The following CRYBG2 variants were observed in gnomAD, a reference collection of about 807,000 sequenced individuals.
CRYBG2 encodes beta/gamma crystallin domain-containing protein 2.
A neutral mutation model predicts 153.4 loss-of-function variants in CRYBG2; 106 were observed. The ratio of observed to expected loss-of-function variants is 0.69; its 90% CI spans 0.59 to 0.81. CRYBG2 has a LOEUF of 0.81. CRYBG2 is among the 30% of genes least tolerant of loss of function. The pLI is 0.00. For missense variants in CRYBG2, 1,996 were observed against 2,112.0 expected, an observed-to-expected ratio of 0.95 and a Z score of 1.08; for synonymous variants, 851 against 877.8, an observed-to-expected ratio of 0.97 and a Z score of 0.54.
chr1:26,324,145 T>G lies in CRYBG2; in HGVS notation c.4737+7A>C, dbSNP rs1403514020. On this transcript the variant is annotated splice_region_variant and intron_variant, in intron 18 of 19. Coordinates refer to ENST00000308182, the MANE Select transcript of CRYBG2 (RefSeq NM_001039775.4). Reference sequence around the variant, plus strand: ...GGGTGTCCCTGTGCCAGCCCCTGTATCAGTACCTGGTTCTTCAGCAGCCCA... The same window carrying G: ...GGGTGTCCCTGTGCCAGCCCCTGTAGCAGTACCTGGTTCTTCAGCAGCCCA... The G allele has an allele frequency of 1.7e-5, 28 of 1,612,160 alleles. No homozygotes were observed. Among genetic ancestry groups the G allele is most frequent in the Non-Finnish European group, 2.4e-5 (28 of 1,178,986 alleles).
At position 26,337,327 on chromosome 1, in the gene CRYBG2, C is replaced by T. The variant is rs757013745; in HGVS notation, c.3697G>A (p.Glu1233Lys). ...GFRGHQYLLEEGEYPDWSHWG... is the reference protein window; with the variant it reads ...GFRGHQYLLEKGEYPDWSHWG... ...TGTGACCAGTCTGGGTATTCCCCCT[C>T]CTCCAGCAGATACTGGTGGCCCCGG... Residue 1233 changes from glutamate (E) to lysine (K), a missense_variant, in exon 10 of 20, where the codon GAG (glutamate) becomes AAG (lysine). Transcript: ENST00000308182. 3.1e-6 allele frequency: 5 copies of T among 1,614,102 alleles called. No individual in the cohort carries two copies. The Admixed American group carries it at 6.7e-5, about 22-fold the overall frequency.
In CRYBG2 at chr1:26,344,390, ATCC is replaced by A. The variant is rs2124008431; in HGVS notation, c.2265_2267del (p.Glu755del). 1 of 1,517,280 alleles carries A rather than the reference ATCC, an allele frequency of 6.6e-7. No homozygotes were observed. Among genetic ancestry groups the A allele is most frequent in the Non-Finnish European group, 8.9e-7 (1 of 1,129,452 alleles). The allele number at this position is 1,517,280 out of a possible 1,614,324, so 94.0% of individuals were successfully genotyped here. ...CCAGGTCAGCGGCCAGGGCCACCTC[ATCC>A]TCCTCCCTTGATGTCTCTGTGCACG... On this transcript the variant is annotated inframe_deletion, in exon 2 of 20. Coordinates refer to ENST00000308182, the MANE Select transcript of CRYBG2 (RefSeq NM_001039775.4).
chr1:26,335,567 G>T (rs2074044606), intron 14 of CRYBG2, among the ~76,000 whole-genome samples: 1 of 152,218 alleles, frequency 6.6e-6, no homozygotes, highest in Non-Finnish European at 1.5e-5. Flanking sequence ...GAAGGCCGAG[G>T]TGGCGGATAG....
Position 26,345,004 on chromosome 1 carries a change from G to A in CRYBG2, c.1654C>T (p.Pro552Ser), listed in dbSNP as rs80303019. The A allele has an allele frequency of 2.0e-5, 25 of 1,224,764 alleles. 1 individual carries two copies. Among genetic ancestry groups the A allele is most frequent in the African/African-American group, 3.4e-5 (2 of 59,624 alleles). 75.9% of individuals were successfully genotyped at this position (1,224,764 alleles called of 1,614,324 possible). A position where few individuals can be genotyped will look rare whatever the true frequency, so the allele number is the denominator to read the frequency against. ...FPTWKEVVKG[P>S]GAPAASSPTQ... is the part of the protein sequence containing the mutation. Reference sequence around the variant, plus strand: ...GGGGATGAGGCAGCAGGAGCACCAGGGCCCTTCACAACCTCTTTCCAGGTG... The same window carrying A: ...GGGGATGAGGCAGCAGGAGCACCAGAGCCCTTCACAACCTCTTTCCAGGTG... Residue 552 changes from proline (P) to serine (S), a missense_variant, in exon 2 of 20, where the codon CCT becomes TCT. Physicochemically the swap from Pro to Ser is moderately conservative, Grantham distance 74. Coordinates refer to ENST00000308182, the MANE Select transcript of CRYBG2 (RefSeq NM_001039775.4).
At chr1:26,352,766 C>T (rs1407779105) in intron 1 of CRYBG2, among the ~76,000 whole-genome samples, 2 of 149,044 alleles carry the variant, frequency 1.3e-5, no homozygotes, top group Admixed American at 1.3e-4. Context: ...TTTCCCGTCC[C>T]CCTCTCCAAG....
intron 1 of CRYBG2, among the ~76,000 whole-genome samples, chr1:26,350,636 C>T (rs564082270): frequency 6.6e-6 from 1 of 152,130 alleles, no homozygotes; most frequent in African/African-American, 2.4e-5. Flanking sequence ...ATATATGTAT[C>T]CTATAACTGA....
chr1:26,326,639 A>AT (rs911503658), intron 17 of CRYBG2: 2 of 205,644 alleles, frequency 9.7e-6, no homozygotes, highest in Admixed American at 4.9e-5. Flanking sequence ...AAAAAATGTG[A>AT]TTTTTTTCTT....
At chr1:26,329,999 T>C (rs1333639934) in intron 15 of CRYBG2, among the ~76,000 whole-genome samples, 1 of 152,208 alleles carries the variant, frequency 6.6e-6, no homozygotes, top group Non-Finnish European at 1.5e-5. Context: ...CTTCCCAAAG[T>C]GCTGGAACTA....
chr1:26,337,912 C>T, intron 8 of CRYBG2, 100 bp downstream of exon 8: 1 of 1,478,804 alleles, frequency 6.8e-7, no homozygotes, highest in Non-Finnish European at 9.2e-7. Context: ...TTCTGGCCCC[C>T]AGTGCCCTCC....
intron 5 of CRYBG2, among the ~76,000 whole-genome samples, chr1:26,340,445 A>C (rs2074115830): frequency 6.6e-6 from 1 of 152,192 alleles, no homozygotes; most frequent in Non-Finnish European, 1.5e-5. Flanking sequence ...TGTGCTTGGC[A>C]TACAACAGGC....
chr1:26,346,584 C>T lies in CRYBG2; in HGVS notation c.74G>A (p.Arg25Gln), dbSNP rs375363720. ...TTTGATCTCTTCCTGGGTGGGGGGC[C>T]GCTGCCGCCATGTCAATGTGGCACT... ...VVSATLTWRQRPPTQEEIKHG... is the reference protein window; with the variant it reads ...VVSATLTWRQQPPTQEEIKHG... The change falls in exon 2 of 20, where the codon CGG (arginine) becomes CAG (glutamine). Residue 25 changes from arginine to glutamine, a missense_variant. Transcript: ENST00000308182. The surrounding 1 kb of genome is among the most constrained non-coding windows in gnomAD (Gnocchi z 4.9). 1.1e-4 allele frequency: 170 copies of T among 1,596,512 alleles called. No homozygotes were observed. Among genetic ancestry groups the T allele is most frequent in the Middle Eastern group, 6.6e-4 (4 of 6,058 alleles).
Position 26,346,819 on chromosome 1 carries a change from G to C in CRYBG2, c.-55-107C>G. ...TCAGGCTGGGAACCTCAGGCAAATC[G>C]CTTGGCCTTTTTGGGCCATTGCTTT... is the stretch of plus-strand genomic sequence containing the variant. On this transcript the variant is annotated intron_variant, in intron 1 of 19. Coordinates refer to ENST00000308182, the MANE Select transcript of CRYBG2 (RefSeq NM_001039775.4). The surrounding 1 kb of genome is among the most constrained non-coding windows in gnomAD (Gnocchi z 4.9). 3 of 706,470 alleles carry C rather than the reference G, an allele frequency of 4.2e-6. No homozygotes were observed. Among genetic ancestry groups the C allele is most frequent in the Non-Finnish European group, 6.7e-6 (3 of 446,620 alleles). 43.8% of individuals were successfully genotyped at this position (706,470 alleles called of 1,614,324 possible).
intron 15 of CRYBG2, 88 bp from the exon 16 acceptor site, chr1:26,328,961 A>T: frequency 6.5e-7 from 1 of 1,538,634 alleles, no homozygotes. Flanking sequence ...TGACTCCCAG[A>T]TCTGTATGTC....
At chr1:26,324,902 TAAC>T (rs2073904963) in intron 17 of CRYBG2, 2 of 152,166 alleles carry the variant, frequency 1.3e-5, no homozygotes, top group African/African-American at 4.8e-5. Flanking sequence ...ATAATAGTAA[TAAC>T]AATAATCACA....
Position 26,346,378 on chromosome 1 carries a change from C to T in CRYBG2, c.280G>A (p.Gly94Arg). Residue 94 changes from glycine (G) to arginine (R), a missense_variant, in exon 2 of 20, where the codon GGA (glycine) becomes AGA (arginine). Transcript: ENST00000308182. This position sits in a 1 kb window ranked among gnomAD's most constrained non-coding sequence, Gnocchi z 4.9. ...TAGSKNFQSH[G>R]PIFSKKYIPP... ...ATGTACTTCTTGGAAAAGATGGGTC[C>T]ATGGCTCTGGAAGTTCTTGGAGCCA... 6.3e-7 allele frequency: 1 copy of T among 1,599,496 alleles called. No individual in the cohort carries two copies. Among genetic ancestry groups the T allele is most frequent in the Non-Finnish European group, 8.5e-7 (1 of 1,179,730 alleles).
At chr1:26,331,461 T>C (rs1367157873) in intron 15 of CRYBG2, 28 bp downstream of exon 15, 10 of 1,597,656 alleles carry the variant, frequency 6.3e-6, no homozygotes, top group Middle Eastern at 1.8e-4. Flanking sequence ...GCTTCCGGGA[T>C]TGCCTGGAAC....
At position 26,344,381 on chromosome 1, in the gene CRYBG2, G is replaced by A. The variant is rs1203642898; in HGVS notation, c.2277C>T (p.Ala759=). 3 of 1,515,286 alleles carry A rather than the reference G, an allele frequency of 2.0e-6. No homozygotes were observed. Among genetic ancestry groups the A allele is most frequent in the East Asian group, 2.5e-5 (1 of 40,606 alleles). The allele number at this position is 1,515,286 out of a possible 1,614,324, so 93.9% of individuals were successfully genotyped here. A position where few individuals can be genotyped will look rare whatever the true frequency, so the allele number is the denominator to read the frequency against. The part of the protein sequence containing the change: ...TETSREEDEV[A]LAADLEIFLD... ...GGAATATCTCCAGGTCAGCGGCCAG[G>A]GCCACCTCATCCTCCTCCCTTGATG... Residue 759 remains alanine, a synonymous_variant, in exon 2 of 20, where the codon GCC becomes GCT. Transcript: ENST00000308182.
At chr1:26,328,387 A>T in intron 16 of CRYBG2, 55 bp from the exon 17 acceptor site, 1 of 1,543,072 alleles carries the variant, frequency 6.5e-7, no homozygotes, top group South Asian at 1.2e-5. Context: ...ACAGACAGAC[A>T]GACAGGTGGA....
In CRYBG2 at chr1:26,343,030, G is replaced by A; in HGVS notation, c.3074+17C>T. 2 of 1,541,488 alleles carry A rather than the reference G, an allele frequency of 1.3e-6. No homozygotes were observed. The highest frequency in any genetic ancestry group is 1.8e-6 in the Non-Finnish European group (2 of 1,140,590). On this transcript the variant is annotated intron_variant, in intron 4 of 19. Coordinates refer to ENST00000308182, the MANE Select transcript of CRYBG2 (RefSeq NM_001039775.4). The surrounding 1 kb of genome is among the most constrained non-coding windows in gnomAD (Gnocchi z 4.1). ...CAGGTTCACAGCCAAGTGCCTTGCT[G>A]GGCACTCCCCACTCACCAGCCTCGA...
Sources: gnomAD v4.1 joint callset for allele counts (sites outside exome capture counted in the v4.1 genomes callset) on GRCh38, gnomAD v4.1.1 for gene constraint, Gnocchi (gnomAD v3.1) non-coding constraint, MANE v1.5 for transcripts, NCBI Gene and HGNC (gene_info 2026-07-23, HGNC 2026-07-21) for gene names.